HIPK1: variants seen among roughly 807,000 people sequenced by gnomAD.
HIPK1 encodes homeodomain-interacting protein kinase 1.
Under a neutral mutation model 117.1 loss-of-function variants are expected in HIPK1, and 28 were observed. That is an observed-to-expected ratio of 0.24 (90% CI 0.18 to 0.33). The LOEUF is 0.33. Among genes scored for constraint, HIPK1 ranks in the 10% least tolerant of loss-of-function variants. HIPK1 has a pLI of 1.00. For synonymous variants in HIPK1, 605 were observed against 562.5 expected (o/e 1.08, Z -1.07); for missense variants, 1,122 against 1,475.1 (o/e 0.76, Z 3.92).
intron 10 of HIPK1, among the ~76,000 whole-genome samples, chr1:113,964,592 T>A (rs572199000): frequency 9.3e-4 from 141 of 152,374 alleles, no homozygotes; most frequent in African/African-American, 3.1e-3. Flanking sequence ...ATTTCTTTTG[T>A]TGTTTCTTAA....
At chr1:113,965,791 GC>G (rs1417651491) in intron 10 of HIPK1, among the ~76,000 whole-genome samples, 1 of 152,088 alleles carries the variant, frequency 6.6e-6, no homozygotes, top group Non-Finnish European at 1.5e-5. Flanking sequence ...TAGAATTGTT[GC>G]AAAAATGAAA....
chr1:113,963,648 C>A, intron 10 of HIPK1, 127 bp downstream of exon 10: 1 of 1,048,794 alleles, frequency 9.5e-7, no homozygotes, highest in Non-Finnish European at 1.3e-6. Context: ...TTAGCTTAGT[C>A]TTTGCAGAGG....
intron 11 of HIPK1, among the ~76,000 whole-genome samples, 172 bp from the exon 12 acceptor site, chr1:113,967,594 T>G (rs1672538439): frequency 6.6e-6 from 1 of 152,198 alleles, no homozygotes; most frequent in Non-Finnish European, 1.5e-5. Flanking sequence ...TTCCATAGAG[T>G]TGTTTGAGCT....
intron 3 of HIPK1, among the ~76,000 whole-genome samples, chr1:113,953,561 AGGCT>A (rs1412309377): frequency 6.6e-6 from 1 of 152,138 alleles, no homozygotes; most frequent in Non-Finnish European, 1.5e-5. Context: ...TCTGTCACCC[AGGCT>A]GGAGTGCAGT....
Position 113,973,179 on chromosome 1 carries a change from G to A in HIPK1, c.3300G>A (p.Pro1100=), listed in dbSNP as rs761605766. ...LHSTGHPHLA[P]APAHLPSQAH... is the part of the protein sequence containing the mutation. ...CGACAGGGCACCCACACCTTGCCCC[G>A]GCCCCTGCTCACCTGCCAAGCCAGG... The change falls in exon 16 of 16, where the codon CCG becomes CCA. Residue 1100 remains proline, a synonymous_variant. Transcript: ENST00000426820. 1.9e-5 allele frequency: 30 copies of A among 1,611,192 alleles called. No homozygotes were observed. The highest frequency in any genetic ancestry group is 5.0e-5 in the Admixed American group (3 of 59,782).
rs896761331 is a variant in HIPK1 at position 113,929,508 on chromosome 1, T to C, written c.-27T>C. 15 of 1,288,516 alleles carry C rather than the reference T, an allele frequency of 1.2e-5. No individual in the cohort carries two copies. The highest frequency in any genetic ancestry group is 1.4e-5 in the Non-Finnish European group (14 of 988,438). 79.8% of individuals were successfully genotyped at this position (1,288,516 alleles called of 1,614,324 possible). A position where few individuals can be genotyped will look rare whatever the true frequency, so the allele number is the denominator to read the frequency against. On this transcript the variant is annotated 5_prime_UTR_variant, in exon 1 of 16. Transcript: ENST00000426820. ...AGTACTATGCGATCGTCCTAGAGAG[T>C]CCATTCAGCTGCACTTCCGCCTCAG...
In HIPK1 at chr1:113,941,355, T is replaced by A. The variant is rs1034307477; in HGVS notation, c.972T>A (p.Val324=). The stretch of plus-strand genomic sequence containing the variant: ...TTAAGCCTGAAAACATCATGCTGGT[T>A]GATCCAGTTCGCCAGCCCTACCGAG... The part of the protein sequence containing the change: ...ADLKPENIML[V]DPVRQPYRVK... Residue 324 remains valine (V), a synonymous_variant, in exon 2 of 16, where the codon GTT becomes GTA. Coordinates refer to ENST00000426820, the MANE Select transcript of HIPK1 (RefSeq NM_198268.3). This position sits in a 1 kb window ranked among gnomAD's most constrained non-coding sequence, Gnocchi z 4.9. The A allele has an allele frequency of 2.5e-6, 4 of 1,614,258 alleles. No individual in the cohort carries two copies. The highest frequency in any genetic ancestry group is 2.5e-6 in the Non-Finnish European group (3 of 1,180,040).
chr1:113,966,077 A>G, intron 10 of HIPK1, 53 bp from the exon 11 acceptor site: 1 of 1,550,740 alleles, frequency 6.4e-7, no homozygotes, highest in Non-Finnish European at 8.7e-7. Context: ...AAACAGAAGA[A>G]AAAGCCAAGA....
intron 8 of HIPK1, among the ~76,000 whole-genome samples, chr1:113,959,924 A>G (rs1296314867): frequency 6.6e-6 from 1 of 152,216 alleles, no homozygotes; most frequent in South Asian, 2.1e-4. Flanking sequence ...ATTATCCCCA[A>G]TTTATAGATG....
chr1:113,943,795 T>C (rs1670804206), intron 2 of HIPK1, among the ~76,000 whole-genome samples: 1 of 152,056 alleles, frequency 6.6e-6, no homozygotes, highest in Non-Finnish European at 1.5e-5. Flanking sequence ...ACATTTGTTA[T>C]TTTTTTTATT....
intron 2 of HIPK1, among the ~76,000 whole-genome samples, chr1:113,944,146 A>G (rs1052988762): frequency 2.1e-5 from 3 of 142,926 alleles, no homozygotes; most frequent in Admixed American, 6.9e-5. Context: ...TGTTTTTTAA[A>G]TAATAGCCAT....
At chr1:113,953,029 T>C in intron 3 of HIPK1, 140 bp downstream of exon 3, 1 of 672,762 alleles carries the variant, frequency 1.5e-6, no homozygotes, top group East Asian at 3.5e-5. Flanking sequence ...AAGAACTTTT[T>C]AAAGAATAGT....
Position 113,974,990 on chromosome 1 carries a change from T to C in HIPK1, c.*1478T>C, listed in dbSNP as rs1673062961. On this transcript the variant is annotated 3_prime_UTR_variant, in exon 16 of 16. Coordinates refer to ENST00000426820, the MANE Select transcript of HIPK1 (RefSeq NM_198268.3). Reference sequence around the variant, plus strand: ...GTATGTGAACTAATTGCAATTATATTAGAGCATATTACTGTAGTGCTGAAT... The same window carrying C: ...GTATGTGAACTAATTGCAATTATATCAGAGCATATTACTGTAGTGCTGAAT... 1 of 152,812 alleles carries C rather than the reference T, an allele frequency of 6.5e-6. No homozygotes were observed. The highest frequency in any genetic ancestry group is 1.5e-5 in the Non-Finnish European group (1 of 68,046). The allele number at this position is 152,812 out of a possible 1,614,324, so 9.5% of individuals were successfully genotyped here.
intron 1 of HIPK1, among the ~76,000 whole-genome samples, chr1:113,937,286 T>C (rs955871562): frequency 6.6e-6 from 1 of 152,250 alleles, no homozygotes; most frequent in Non-Finnish European, 1.5e-5. Flanking sequence ...TCTAGTTGTA[T>C]TCAGGCACAA....
At chr1:113,938,697 T>TC (rs1670415118) in intron 1 of HIPK1, among the ~76,000 whole-genome samples, 1 of 151,672 alleles carries the variant, frequency 6.6e-6, no homozygotes, top group Non-Finnish European at 1.5e-5. Context: ...TCACTTGAGC[T>TC]CAGGAGTTTG....
At chr1:113,930,941 A>T (rs994027167) in intron 1 of HIPK1, 1 of 152,190 alleles carries the variant, frequency 6.6e-6, no homozygotes, top group Non-Finnish European at 1.5e-5. Flanking sequence ...TTTCTTGTCT[A>T]TTAGTGACAC....
At chr1:113,967,236 T>C (rs572864696) in intron 11 of HIPK1, among the ~76,000 whole-genome samples, 46 of 152,356 alleles carry the variant, frequency 3.0e-4, no homozygotes, top group Middle Eastern at 6.8e-3. Flanking sequence ...TTTGGGTATA[T>C]ACCCAGCAGT....
intron 2 of HIPK1, among the ~76,000 whole-genome samples, chr1:113,949,621 CAG>C (rs1404446499): frequency 1.5e-5 from 2 of 134,270 alleles, no homozygotes; most frequent in South Asian, 2.3e-4. Context: ...TTTTTTGAGA[CAG>C]AGTCTTACTC....
At chr1:113,938,853 C>T (rs1262436939) in intron 1 of HIPK1, among the ~76,000 whole-genome samples, 7 of 147,814 alleles carry the variant, frequency 4.7e-5, no homozygotes, top group Admixed American at 1.4e-4. Flanking sequence ...AAGGTTGCAG[C>T]GAGCCAAGAT....
Sources: gnomAD v4.1 joint callset for allele counts (sites outside exome capture counted in the v4.1 genomes callset) on GRCh38, gnomAD v4.1.1 for gene constraint, Gnocchi (gnomAD v3.1) non-coding constraint, MANE v1.5 for transcripts, NCBI Gene and HGNC (gene_info 2026-07-23, HGNC 2026-07-21) for gene names.